CLIP2: variants seen among roughly 807,000 people sequenced by gnomAD.
CLIP2 encodes CAP-Gly domain containing linker protein 2.
In CLIP2, 41 loss-of-function variants were observed where a neutral mutation model predicts 111.7. The observed-to-expected ratio is 0.37, with a 90% CI of 0.29 to 0.48. The LOEUF (loss-of-function observed/expected upper bound fraction) is 0.48. Ranked by LOEUF, CLIP2 falls within the 20% of genes least tolerant of loss-of-function variation. CLIP2 has a pLI of 0.99. For missense variants in CLIP2, 1,160 were observed against 1,422.1 expected, an observed-to-expected ratio of 0.82 and a Z score of 2.96; for synonymous variants, 660 against 644.2, an observed-to-expected ratio of 1.02 and a Z score of -0.37.
chr7:74,390,090 T>TA lies in CLIP2; in HGVS notation c.2720+843dup, dbSNP rs1241387998. 4.6e-3 allele frequency among the ~76,000 whole-genome samples: 412 copies of TA among 89,284 alleles called. 5 individuals are homozygous for TA. Among genetic ancestry groups the TA allele is most frequent in the African/African-American group, 0.011 (262 of 23,224 alleles). The allele number at this position is 89,284 out of a possible 152,430, so 58.6% of individuals were successfully genotyped here. A position where few individuals can be genotyped will look rare whatever the true frequency, so the allele number is the denominator to read the frequency against. Reference sequence around the variant, plus strand: ...GCAATAGAGCAAAACCCTGTCTCTTTAAAAAAAAAAAAGAAAGAAAGAAAG... The same window carrying TA: ...GCAATAGAGCAAAACCCTGTCTCTTTAAAAAAAAAAAAAGAAAGAAAGAAAG... On this transcript the variant is annotated intron_variant, in intron 13 of 16. Transcript: ENST00000223398.
chr7:74,323,426 TC>T (rs1482242013), intron 2 of CLIP2, among the ~76,000 whole-genome samples: 1 of 150,942 alleles, frequency 6.6e-6, no homozygotes, highest in Non-Finnish European at 1.5e-5. Flanking sequence ...CCTTTTCTTT[TC>T]TTTTTTTTTT....
chr7:74,315,872 CTT>C (rs202020183), intron 1 of CLIP2, among the ~76,000 whole-genome samples: 5 of 142,836 alleles, frequency 3.5e-5, no homozygotes, highest in Admixed American at 1.4e-4. Context: ...TCTCCCAGCC[CTT>C]TTTTTTTTTT....
intron 2 of CLIP2, among the ~76,000 whole-genome samples, chr7:74,319,048 A>G (rs1317665353): frequency 6.6e-6 from 1 of 152,192 alleles, no homozygotes; most frequent in Non-Finnish European, 1.5e-5. Flanking sequence ...AGGCCTGCCC[A>G]GTGCAGCCTT....
intron 3 of CLIP2, among the ~76,000 whole-genome samples, chr7:74,344,183 T>G (rs1179255435): frequency 6.6e-6 from 1 of 152,128 alleles, no homozygotes; most frequent in East Asian, 1.9e-4. Flanking sequence ...CATCTCTGGG[T>G]GTGGTGTGCA....
At chr7:74,295,268 G>A (rs1454540782) in intron 1 of CLIP2, among the ~76,000 whole-genome samples, 1 of 152,110 alleles carries the variant, frequency 6.6e-6, no homozygotes, top group African/African-American at 2.4e-5. Context: ...AGCTGGGGCT[G>A]AGTTTTGAAG....
At chr7:74,308,050 C>T (rs1183310965) in intron 1 of CLIP2, among the ~76,000 whole-genome samples, 2 of 152,136 alleles carry the variant, frequency 1.3e-5, no homozygotes, top group Non-Finnish European at 2.9e-5. Context: ...CAGACAAGAA[C>T]AGCATACTCT....
intron 16 of CLIP2, among the ~76,000 whole-genome samples, chr7:74,402,745 G>A (rs1554317938): frequency 2.6e-5 from 4 of 152,124 alleles, no homozygotes; most frequent in African/African-American, 9.7e-5. Flanking sequence ...AATCCCTGGA[G>A]CACAGATGCT....
intron 8 of CLIP2, among the ~76,000 whole-genome samples, chr7:74,367,403 G>A (rs1790492716): frequency 6.6e-6 from 1 of 152,094 alleles, no homozygotes; most frequent in Admixed American, 6.6e-5. Flanking sequence ...TGTTAGCCAG[G>A]ATGGTCTCAA....
intron 8 of CLIP2, among the ~76,000 whole-genome samples, chr7:74,372,402 T>TG (rs1192394907): frequency 4.1e-4 from 14 of 34,428 alleles, no homozygotes; most frequent in Admixed American, 1.0e-3. Flanking sequence ...GCACAGGCCT[T>TG]GGGGGGGGGG....
At chr7:74,305,855 A>ACCCCCCCCCCCCCCCCCCCCCCCCCC (rs1478628381) in intron 1 of CLIP2, among the ~76,000 whole-genome samples, 10 of 52,292 alleles carry the variant, frequency 1.9e-4, no homozygotes, top group African/African-American at 8.4e-4. Flanking sequence ...CTGCACCCCA[A>ACCCCCCCCCCCCCCCCCCCCCCCCCC]CCCCCCCCCA....
At chr7:74,299,906 A>G (rs1314022766) in intron 1 of CLIP2, among the ~76,000 whole-genome samples, 2 of 151,806 alleles carry the variant, frequency 1.3e-5, no homozygotes, top group Non-Finnish European at 2.9e-5. Flanking sequence ...CATGTTGGTT[A>G]GGCTGGTCTC....
At chr7:74,335,181 G>T (rs2116548390) in intron 2 of CLIP2, among the ~76,000 whole-genome samples, 2 of 148,556 alleles carry the variant, frequency 1.3e-5, no homozygotes, top group South Asian at 4.3e-4. Context: ...TGAGGCAGGA[G>T]AATCACTTGA....
At chr7:74,349,466 GTGTGTATATATATATATATA>G (rs1398993872) in intron 3 of CLIP2, among the ~76,000 whole-genome samples, 7 of 77,516 alleles carry the variant, frequency 9.0e-5, no homozygotes, top group African/African-American at 2.9e-4. Flanking sequence ...GTGTGTGTGT[GTGTGTATATATATATATATA>G]TATATATATA....
intron 1 of CLIP2, among the ~76,000 whole-genome samples, chr7:74,293,128 TG>T: frequency 1.3e-5 from 2 of 152,252 alleles, no homozygotes; most frequent in South Asian, 4.2e-4. Flanking sequence ...GAGGGTGGTG[TG>T]GGGGTGCCCT....
At chr7:74,379,456 T>C (rs1458027440) in intron 10 of CLIP2, among the ~76,000 whole-genome samples, 4 of 152,018 alleles carry the variant, frequency 2.6e-5, no homozygotes, top group Non-Finnish European at 5.9e-5. Flanking sequence ...GTAGTAAATA[T>C]GGGAATTTTA....
At chr7:74,331,485 C>G (rs1247109037) in intron 2 of CLIP2, among the ~76,000 whole-genome samples, 6 of 151,352 alleles carry the variant, frequency 4.0e-5, no homozygotes, top group African/African-American at 1.5e-4. Context: ...GGTCTTGATC[C>G]TGACTGAGGT....
chr7:74,339,407 G>C (rs1410396570), intron 3 of CLIP2, among the ~76,000 whole-genome samples: 1 of 152,030 alleles, frequency 6.6e-6, no homozygotes, highest in African/African-American at 2.4e-5. Context: ...CCAGGTTCAA[G>C]CAATTCTCCT....
At position 74,376,718 on chromosome 7, in the gene CLIP2, G is replaced by A; in HGVS notation, c.2317G>A (p.Glu773Lys). Residue 773 changes from glutamate to lysine, a missense_variant, in exon 10 of 17, where the codon GAA (glutamate) becomes AAA (lysine). Coordinates refer to ENST00000223398, the MANE Select transcript of CLIP2 (RefSeq NM_003388.5). The surrounding 1 kb of genome is among the most constrained non-coding windows in gnomAD (Gnocchi z 7.1). The stretch of plus-strand genomic sequence containing the variant: ...GGACTACGAGCGGCTGCAGCGGGCA[G>A]AAGCCCAGGGCAAACAGGAGGTCGA... Reference protein sequence around the residue: ...MLDYERLQRAEAQGKQEVESL... With the variant: ...MLDYERLQRAKAQGKQEVESL... 1 of 1,613,204 alleles carries A rather than the reference G, an allele frequency of 6.2e-7. No homozygotes were observed. Among genetic ancestry groups the A allele is most frequent in the Non-Finnish European group, 8.5e-7 (1 of 1,179,802 alleles).
intron 3 of CLIP2, 66 bp downstream of exon 3, chr7:74,339,070 G>GA: frequency 6.7e-7 from 1 of 1,495,666 alleles, no homozygotes; most frequent in Non-Finnish European, 9.0e-7. Context: ...GCCCCACTTG[G>GA]CGAAGCTGGA....
Sources: gnomAD v4.1 joint callset for allele counts (sites outside exome capture counted in the v4.1 genomes callset) on GRCh38, gnomAD v4.1.1 for gene constraint, Gnocchi (gnomAD v3.1) non-coding constraint, MANE v1.5 for transcripts, NCBI Gene and HGNC (gene_info 2026-07-23, HGNC 2026-07-21) for gene names.